Variants in POMGNT1 observed in about 807,000 individuals in gnomAD.
POMGNT1 encodes the protein protein O-linked mannose N-acetylglucosaminyltransferase 1 (beta 1,2-), also known as protein O-linked-mannose beta-1,2-N-acetylglucosaminyltransferase 1.
In POMGNT1, 67 loss-of-function variants were observed where a neutral mutation model predicts 95.6. That is an observed-to-expected ratio of 0.70 (90% confidence interval 0.58 to 0.86). The LOEUF is 0.86. POMGNT1 is among the 40% of genes least tolerant of loss of function. The probability of loss-of-function intolerance (pLI) is 0.00; values close to 1 mark genes in which losing one functional copy is unlikely to be tolerated. For missense variants in POMGNT1, 719 were observed against 855.2 expected, an observed-to-expected ratio of 0.84 and a Z score of 1.99; for synonymous variants, 298 against 317.9, an observed-to-expected ratio of 0.94 and a Z score of 0.66.
chr1:46,205,926 C>T (rs912440460), intron 1 of POMGNT1, among the ~76,000 whole-genome samples: 1 of 152,234 alleles, frequency 6.6e-6, no homozygotes, highest in Non-Finnish European at 1.5e-5. Flanking sequence ...TTGTTCCTCT[C>T]CCAGCTCTCC....
intron 19 of POMGNT1, 178 bp from the exon 20 acceptor site, chr1:46,190,167 C>A: frequency 1.3e-6 from 1 of 784,932 alleles, no homozygotes; most frequent in East Asian, 2.8e-5. Flanking sequence ...GCCTCAGCCT[C>A]CCAAGTAGCT....
Position 46,188,834 on chromosome 1 carries a change from G to A in POMGNT1, c.*436C>T, listed in dbSNP as rs1275959039. 6.2e-6 allele frequency: 10 copies of A among 1,612,816 alleles called. No homozygotes were observed. Among genetic ancestry groups the A allele is most frequent in the Non-Finnish European group, 8.5e-6 (10 of 1,179,910 alleles). ...GTGGGCCCCAGCTGGGCCTGTCCAT[G>A]GGTTGGGCACAGCAGTTTCCTGAGT... On this transcript the variant is annotated 3_prime_UTR_variant, in exon 22 of 22. Coordinates refer to ENST00000371984, the MANE Select transcript of POMGNT1 (RefSeq NM_017739.4).
intron 17 of POMGNT1, chr1:46,191,030 A>T (rs919258880): frequency 2.1e-6 from 1 of 477,306 alleles, no homozygotes; most frequent in African/African-American, 2.0e-5. Context: ...TGCACCACAG[A>T]CCCATGAACT....
chr1:46,193,963 C>T, intron 9 of POMGNT1, 38 bp from the exon 10 acceptor site: 1 of 1,611,420 alleles, frequency 6.2e-7, no homozygotes, highest in African/African-American at 1.3e-5. Context: ...GCCTTATTCC[C>T]CCTTCAAACT....
Position 46,196,302 on chromosome 1 carries a change from T to C in POMGNT1, c.355-225A>G, listed in dbSNP as rs940033419. Among the ~76,000 whole-genome samples, 4 of 152,178 alleles carry C rather than the reference T, an allele frequency of 2.6e-5. No homozygotes were observed. The highest frequency in any genetic ancestry group is 5.9e-5 in the Non-Finnish European group (4 of 68,020). On this transcript the variant is annotated intron_variant, in intron 4 of 21. Coordinates refer to ENST00000371984, the MANE Select transcript of POMGNT1 (RefSeq NM_017739.4). This position sits in a 1 kb window ranked among gnomAD's most constrained non-coding sequence, Gnocchi z 4.4. ...TTTCTACAACCCTCCCCTCCATGAC[T>C]TTCATGGCTCTTAGAGCCTCTGCTG... is the stretch of plus-strand genomic sequence containing the variant.
Position 46,197,686 on chromosome 1 carries a change from T to C in POMGNT1, c.120+16A>G, listed in dbSNP as rs781201602. On this transcript the variant is annotated intron_variant, in intron 2 of 21. Coordinates refer to ENST00000371984, the MANE Select transcript of POMGNT1 (RefSeq NM_017739.4). ...GAGGGAGCGCTCGGTGGGGAGGGTTTGGGACATCTCTATACCTGACAGAAT... is the reference window on the plus strand; with the variant it reads ...GAGGGAGCGCTCGGTGGGGAGGGTTCGGGACATCTCTATACCTGACAGAAT... The C allele has an allele frequency of 1.2e-6, 2 of 1,613,956 alleles. No homozygotes were observed. Among genetic ancestry groups the C allele is most frequent in the East Asian group, 4.5e-5 (2 of 44,870 alleles).
intron 1 of POMGNT1, among the ~76,000 whole-genome samples, chr1:46,206,824 G>A (rs1658731501): frequency 1.3e-5 from 2 of 152,192 alleles, no homozygotes; most frequent in South Asian, 4.1e-4. Flanking sequence ...ACTGGGCCAA[G>A]CACCAGAAAT....
chr1:46,193,126 C>T (rs1348160287), intron 13 of POMGNT1, 48 bp downstream of exon 13: 5 of 1,613,088 alleles, frequency 3.1e-6, no homozygotes, highest in Non-Finnish European at 4.2e-6. Flanking sequence ...GACCTTATGC[C>T]CATGTTTCCC....
chr1:46,197,918 T>A (rs1658371441), intron 1 of POMGNT1, 47 bp from the exon 2 acceptor site: 5 of 1,572,770 alleles, frequency 3.2e-6, no homozygotes, highest in Non-Finnish European at 4.3e-6. Flanking sequence ...CCTCCCAAAG[T>A]CTGATGCCTT....
intron 1 of POMGNT1, chr1:46,203,679 G>A: frequency 6.5e-7 from 1 of 1,531,386 alleles, no homozygotes. Flanking sequence ...GGGCCGGGAG[G>A]GACGAACTCA....
chr1:46,193,904 T>C lies in POMGNT1; in HGVS notation c.901A>G (p.Asn301Asp). 1 of 1,614,116 alleles carries C rather than the reference T, an allele frequency of 6.2e-7. No homozygotes were observed. The highest frequency in any genetic ancestry group is 8.5e-7 in the Non-Finnish European group (1 of 1,180,010). ...PDPLPDNKVL[N>D]VPVAVIAGNR... is the part of the protein sequence containing the mutation. Reference sequence around the variant, plus strand: ...CCTGCAATGACAGCCACAGGCACATTGAGGACCTTGTTGTCTGGGAGCTGT... The same window carrying C: ...CCTGCAATGACAGCCACAGGCACATCGAGGACCTTGTTGTCTGGGAGCTGT... The change falls in exon 10 of 22, where the codon AAT (asparagine) becomes GAT (aspartate). Residue 301 changes from asparagine (N) to aspartate (D), a missense_variant. By Grantham distance (23) the Asn-to-Asp change is conservative (BLOSUM62 1). Around this residue, in one of 5 missense-constraint regions of POMGNT1, gnomAD observed 466 missense variants for 517.4 expected, o/e 0.90. Transcript: ENST00000371984.
At chr1:46,197,397 C>A in intron 2 of POMGNT1, 1 of 1,487,060 alleles carries the variant, frequency 6.7e-7, no homozygotes, top group Non-Finnish European at 9.0e-7. Flanking sequence ...GCCCAGGGAC[C>A]CAAGCGGGGG....
intron 1 of POMGNT1, among the ~76,000 whole-genome samples, chr1:46,212,499 T>G (rs1162770705): frequency 5.3e-5 from 8 of 151,956 alleles, no homozygotes; most frequent in Admixed American, 5.2e-4. Context: ...GCCAGGATGG[T>G]CTTGATCTCC....
chr1:46,190,079 T>A, intron 19 of POMGNT1, 90 bp from the exon 20 acceptor site: 1 of 1,428,062 alleles, frequency 7.0e-7, no homozygotes, highest in Non-Finnish European at 9.5e-7. Flanking sequence ...AATGCTCTGC[T>A]GTTGCCACCT....
upstream of POMGNT1, among the ~76,000 whole-genome samples, chr1:46,198,975 T>G (rs935388166): frequency 6.6e-6 from 1 of 152,144 alleles, no homozygotes. Flanking sequence ...GGAGTCTCGC[T>G]CTGTCGCCCA....
In POMGNT1 at chr1:46,196,834, C is replaced by T. The variant is rs373866304; in HGVS notation, c.251G>A (p.Arg84His). 54 of 1,614,050 alleles carry T rather than the reference C, an allele frequency of 3.3e-5. No homozygotes were observed. In the African/African-American group the frequency reaches 4.3e-4, roughly 13 times the overall value. The change falls in exon 4 of 22, where the codon CGC (arginine) becomes CAC (histidine). Residue 84 changes from arginine to histidine, a missense_variant. Arg to His is a conservative substitution (Grantham distance 29). Transcript: ENST00000371984. The surrounding 1 kb of genome is among the most constrained non-coding windows in gnomAD (Gnocchi z 4.4). ...PEQDYDEALG[R>H]LEPPRRRGSG... ...GCCTCTGCGCCGTGGGGGCTCCAGG[C>T]GGCCTAGGGCCTCATCTGTGGGGTA...
upstream of POMGNT1, among the ~76,000 whole-genome samples, chr1:46,199,439 C>CT (rs1182340780): frequency 1.3e-5 from 2 of 152,204 alleles, no homozygotes; most frequent in Admixed American, 6.5e-5. Context: ...CAATGGTTCT[C>CT]AAACTTTAGC....
intron 1 of POMGNT1, among the ~76,000 whole-genome samples, chr1:46,210,399 G>A (rs1460987382): frequency 6.6e-6 from 1 of 152,040 alleles, no homozygotes; most frequent in African/African-American, 2.4e-5. Context: ...ATACCAGCTG[G>A]GTGTCTACTA....
intron 10 of POMGNT1, 55 bp downstream of exon 10, chr1:46,193,800 G>A: frequency 6.2e-7 from 1 of 1,609,702 alleles, no homozygotes; most frequent in Non-Finnish European, 8.5e-7. Flanking sequence ...CCTGGAGGTA[G>A]ATGACCTAAG....
Sources: allele counts gnomAD v4.1 joint callset (sites outside exome capture counted in the v4.1 genomes callset), GRCh38; gene constraint gnomAD v4.1.1; regional missense constraint gnomAD v4.1.1; non-coding constraint Gnocchi (gnomAD v3.1); transcripts MANE v1.5; gene names NCBI Gene and HGNC (gene_info 2026-07-23, HGNC 2026-07-21).